The following B3GALT1 variants were observed in gnomAD, a reference collection of about 807,000 sequenced individuals.
B3GALT1 encodes UDP-Gal:betaGlcNAc beta 1,3-galactosyltransferase, polypeptide 1.
A neutral mutation model predicts 23.2 loss-of-function variants in B3GALT1; 10 were observed. That is an observed-to-expected ratio of 0.43 (90% CI 0.27 to 0.73). B3GALT1 has a LOEUF of 0.73. Among genes scored for constraint, B3GALT1 ranks in the 30% least tolerant of loss-of-function variants. B3GALT1 has a pLI of 0.21. For missense variants in B3GALT1, 299 were observed against 405.4 expected (o/e 0.74, Z 2.25); for synonymous variants, 156 against 141.5 (o/e 1.10, Z -0.73).
intron 3 of B3GALT1, among the ~76,000 whole-genome samples, chr2:167,649,143 T>A (rs1685810977): frequency 6.6e-6 from 1 of 152,122 alleles, no homozygotes; most frequent in African/African-American, 2.4e-5. Flanking sequence ...CCACAGATAA[T>A]CCCTTACTTT....
At chr2:167,661,596 C>T (rs1686061317) in intron 3 of B3GALT1, among the ~76,000 whole-genome samples, 1 of 152,026 alleles carries the variant, frequency 6.6e-6, no homozygotes, top group Non-Finnish European at 1.5e-5. Context: ...ACCAGAAGCA[C>T]CCATCTCCAC....
intron 2 of B3GALT1, among the ~76,000 whole-genome samples, chr2:167,629,922 A>G (rs1225142712): frequency 6.6e-6 from 1 of 151,812 alleles, no homozygotes; most frequent in East Asian, 1.9e-4. Context: ...ATGACTAACC[A>G]TATCACACAA....
chr2:167,549,307 A>C (rs891813381), intron 2 of B3GALT1, among the ~76,000 whole-genome samples: 1 of 152,166 alleles, frequency 6.6e-6, no homozygotes, highest in South Asian at 2.1e-4. Context: ...CCTGCATACT[A>C]ACCTTCCTTG....
intron 3 of B3GALT1, among the ~76,000 whole-genome samples, chr2:167,719,671 C>T (rs1045661877): frequency 7.2e-5 from 11 of 152,144 alleles, no homozygotes; most frequent in African/African-American, 2.2e-4. Flanking sequence ...TGGTGGCTCA[C>T]GCCTGTAATC....
intron 1 of B3GALT1, among the ~76,000 whole-genome samples, chr2:167,363,002 T>C (rs1697520865): frequency 6.6e-6 from 1 of 151,930 alleles, no homozygotes; most frequent in Non-Finnish European, 1.5e-5. Flanking sequence ...ATTACAGGCA[T>C]GTGTCACCAC....
At chr2:167,700,335 T>C (rs1459470580) in intron 3 of B3GALT1, among the ~76,000 whole-genome samples, 1 of 152,212 alleles carries the variant, frequency 6.6e-6, no homozygotes, top group Non-Finnish European at 1.5e-5. Context: ...AAAGGTTACC[T>C]TTTCTTGATC....
chr2:167,348,244 T>C (rs1373984456), intron 1 of B3GALT1, among the ~76,000 whole-genome samples: 7 of 152,194 alleles, frequency 4.6e-5, no homozygotes, highest in African/African-American at 7.2e-5. Context: ...GTACAAGCTA[T>C]TGACATACAT....
At position 167,347,198 on chromosome 2, in the gene B3GALT1, G is replaced by A. The variant is rs144595190; in HGVS notation, c.-511+53864G>A. Among the ~76,000 whole-genome samples the A allele has an allele frequency of 4.9e-3, 741 of 152,042 alleles. 4 individuals are homozygous for A. The highest frequency in any genetic ancestry group is 0.016 in the African/African-American group (684 of 41,480). On this transcript the variant is annotated intron_variant, in intron 1 of 4. Coordinates refer to ENST00000392690, the MANE Select transcript of B3GALT1 (RefSeq NM_020981.4). ...GTTAAATTTATAAAAGAGCCTCATG[G>A]ACCCAATGCAGAGTCATCCCAGGTA...
intron 1 of B3GALT1, among the ~76,000 whole-genome samples, chr2:167,364,539 C>T (rs1412964709): frequency 6.6e-6 from 1 of 151,918 alleles, no homozygotes; most frequent in Non-Finnish European, 1.5e-5. Flanking sequence ...CAGCCTGTGT[C>T]CAAGTGTTCT....
chr2:167,808,448 T>C (rs1688809029), intron 3 of B3GALT1, among the ~76,000 whole-genome samples: 1 of 151,534 alleles, frequency 6.6e-6, no homozygotes, highest in Non-Finnish European at 1.5e-5. Context: ...TACTTAGTTC[T>C]TCCTTCAGGA....
At chr2:167,640,434 A>G (rs1685629964) in intron 2 of B3GALT1, among the ~76,000 whole-genome samples, 1 of 152,074 alleles carries the variant, frequency 6.6e-6, no homozygotes, top group Non-Finnish European at 1.5e-5. Context: ...GCCTTGGAAT[A>G]TATTTTTTTC....
At chr2:167,620,805 A>G (rs552296532) in intron 2 of B3GALT1, among the ~76,000 whole-genome samples, 1 of 152,150 alleles carries the variant, frequency 6.6e-6, no homozygotes, top group East Asian at 1.9e-4. Flanking sequence ...TCATTTATTC[A>G]TTTGACATAT....
At chr2:167,341,425 G>T (rs946603186) in intron 1 of B3GALT1, among the ~76,000 whole-genome samples, 1 of 152,172 alleles carries the variant, frequency 6.6e-6, no homozygotes, top group Non-Finnish European at 1.5e-5. Flanking sequence ...ACTTTGGGAG[G>T]CCAAGGTGGG....
chr2:167,675,851 G>A (rs966999129), intron 3 of B3GALT1, among the ~76,000 whole-genome samples: 6 of 151,286 alleles, frequency 4.0e-5, no homozygotes, highest in African/African-American at 1.5e-4. Flanking sequence ...ACCCATGCAG[G>A]ATCGAGGAAT....
intron 1 of B3GALT1, among the ~76,000 whole-genome samples, chr2:167,347,672 C>T (rs1345032647): frequency 1.3e-5 from 2 of 152,170 alleles, no homozygotes; most frequent in East Asian, 3.8e-4. Flanking sequence ...GTATCAGTGT[C>T]AGTATATAAA....
chr2:167,733,897 C>T (rs1558962653), intron 3 of B3GALT1, among the ~76,000 whole-genome samples: 1 of 152,170 alleles, frequency 6.6e-6, no homozygotes, highest in Non-Finnish European at 1.5e-5. Flanking sequence ...CCTCCAATAA[C>T]ATGGTGATGT....
chr2:167,675,907 T>C (rs1686416552), intron 3 of B3GALT1, among the ~76,000 whole-genome samples: 1 of 151,082 alleles, frequency 6.6e-6, no homozygotes, highest in South Asian at 2.1e-4. Flanking sequence ...CCCCACCCAC[T>C]GAATGCCAGT....
At chr2:167,767,581 A>T (rs866161966) in intron 3 of B3GALT1, among the ~76,000 whole-genome samples, 5 of 152,340 alleles carry the variant, frequency 3.3e-5, no homozygotes, top group African/African-American at 1.2e-4. Flanking sequence ...GCAAAAAAAT[A>T]TGAAATTCCT....
At chr2:167,678,521 C>T (rs1234763103) in intron 3 of B3GALT1, among the ~76,000 whole-genome samples, 1 of 151,992 alleles carries the variant, frequency 6.6e-6, no homozygotes, top group Non-Finnish European at 1.5e-5. Flanking sequence ...CCTCCCTAAG[C>T]ACCATCCCCA....
Sources: gnomAD v4.1 joint callset for allele counts (sites outside exome capture counted in the v4.1 genomes callset) on GRCh38, gnomAD v4.1.1 for gene constraint, MANE v1.5 for transcripts, NCBI Gene and HGNC (gene_info 2026-07-23, HGNC 2026-07-21) for gene names.